The following PLEKHA2 variants were observed in gnomAD, a reference collection of about 807,000 sequenced individuals.
The protein encoded by PLEKHA2 is pleckstrin homology domain containing A2.
Under a neutral mutation model 53.2 loss-of-function variants are expected in PLEKHA2, and 28 were observed. The observed-to-expected ratio is 0.53, with a 90% CI of 0.39 to 0.72. The LOEUF (loss-of-function observed/expected upper bound fraction) is 0.72, where lower values mean the gene tolerates loss of function less well. Ranked by LOEUF, PLEKHA2 falls within the 30% of genes least tolerant of loss-of-function variation. PLEKHA2 has a pLI of 0.00. For synonymous variants in PLEKHA2, 193 were observed against 196.4 expected (o/e 0.98, Z 0.14); for missense variants, 426 against 537.9 (o/e 0.79, Z 2.06).
At chr8:38,903,355 C>T (rs1305803831) in intron 1 of PLEKHA2, among the ~76,000 whole-genome samples, 1 of 152,206 alleles carries the variant, frequency 6.6e-6, no homozygotes. Flanking sequence ...ACTGCCTGCC[C>T]TTTGGTGAAG....
intron 10 of PLEKHA2, among the ~76,000 whole-genome samples, chr8:38,968,323 G>A (rs1363343740): frequency 6.6e-6 from 1 of 152,142 alleles, no homozygotes; most frequent in Non-Finnish European, 1.5e-5. Flanking sequence ...CTTCAGCAGC[G>A]GATAGGGTCT....
intron 10 of PLEKHA2, among the ~76,000 whole-genome samples, chr8:38,968,161 T>C (rs1055899931): frequency 6.6e-6 from 1 of 152,134 alleles, no homozygotes; most frequent in Non-Finnish European, 1.5e-5. Context: ...GTTCAGATAG[T>C]TACAGTGGAA....
At chr8:38,913,546 T>C (rs1031707979) in intron 1 of PLEKHA2, among the ~76,000 whole-genome samples, 2 of 152,156 alleles carry the variant, frequency 1.3e-5, no homozygotes, top group African/African-American at 4.8e-5. Flanking sequence ...GTAGCGATAG[T>C]CCTTGCAGCC....
At chr8:38,916,619 G>GA (rs1289269383) in intron 1 of PLEKHA2, among the ~76,000 whole-genome samples, 1 of 152,104 alleles carries the variant, frequency 6.6e-6, no homozygotes, top group African/African-American at 2.4e-5. Flanking sequence ...TTTTATGGCT[G>GA]AATAGTACTC....
rs1306311480 is a variant in PLEKHA2 at position 38,969,752 on chromosome 8, A to G, written c.1247A>G (p.Asp416Gly). 1.5e-6 allele frequency: 2 copies of G among 1,296,898 alleles called. No homozygotes were observed. Among genetic ancestry groups the G allele is most frequent in the African/African-American group, 3.1e-5 (2 of 64,034 alleles). 80.3% of individuals were successfully genotyped at this position (1,296,898 alleles called of 1,614,324 possible). A position where few individuals can be genotyped will look rare whatever the true frequency, so the allele number is the denominator to read the frequency against. The change falls in exon 12 of 12, where the codon GAT (aspartate) becomes GGT (glycine). Residue 416 changes from aspartate (D) to glycine (G), a missense_variant. Physicochemically the swap from Asp to Gly is moderately conservative, Grantham distance 94. Transcript: ENST00000617275. Reference sequence around the variant, plus strand: ...GAGAAGCCGTTTATGTTCAACCTTGATGATGAAAACATACGGACCTCTGAT... The same window carrying G: ...GAGAAGCCGTTTATGTTCAACCTTGGTGATGAAAACATACGGACCTCTGAT... ...PKEKPFMFNLDDENIRTSDV is the reference protein window; with the variant it reads ...PKEKPFMFNLGDENIRTSDV
chr8:38,921,880 T>A (rs1834200786), intron 2 of PLEKHA2, among the ~76,000 whole-genome samples: 1 of 152,252 alleles, frequency 6.6e-6, no homozygotes, highest in South Asian at 2.1e-4. Flanking sequence ...TTCTTTGTTG[T>A]GTGAACAGCC....
Position 38,917,900 on chromosome 8 carries a change from CGCGCAGGGTGATGTGAGCAGA to C in PLEKHA2, c.-23-4_-7del. ...CCTTCTCATCAGCACCTCCCTCCTGCGCGCAGGGTGATGTGAGCAGAGCCCAGGAATGCCTTATGTGGATCG... is the reference window on the plus strand; with the variant it reads ...CCTTCTCATCAGCACCTCCCTCCTGCGCCCAGGAATGCCTTATGTGGATCG... On this transcript the variant is annotated splice_acceptor_variant and splice_polypyrimidine_tract_variant and 5_prime_UTR_variant and intron_variant, in exon 2 of 12. Coordinates refer to ENST00000617275, the MANE Select transcript of PLEKHA2 (RefSeq NM_021623.2). LOFTEE classifies it low-confidence loss of function (5UTR_SPLICE). 6.2e-7 allele frequency: 1 copy of C among 1,609,900 alleles called. No individual in the cohort carries two copies. Among genetic ancestry groups the C allele is most frequent in the Non-Finnish European group, 8.5e-7 (1 of 1,177,058 alleles).
intron 10 of PLEKHA2, among the ~76,000 whole-genome samples, chr8:38,966,896 G>C (rs1004333770): frequency 3.9e-5 from 6 of 151,980 alleles, no homozygotes; most frequent in Non-Finnish European, 8.8e-5. Flanking sequence ...CATCACCTGA[G>C]TATTGTGCAT....
intron 2 of PLEKHA2, among the ~76,000 whole-genome samples, chr8:38,925,785 A>C (rs1022484766): frequency 6.6e-6 from 1 of 152,252 alleles, no homozygotes. Context: ...ATAATGTATA[A>C]TGGACAATAC....
chr8:38,969,115 G>T, intron 11 of PLEKHA2: 1 of 375,320 alleles, frequency 2.7e-6, no homozygotes, highest in Non-Finnish European at 4.9e-6. Flanking sequence ...TGGCTAGGCT[G>T]ATCTCAAACT....
chr8:38,907,698 C>G (rs1833897707), intron 1 of PLEKHA2, among the ~76,000 whole-genome samples: 1 of 150,422 alleles, frequency 6.6e-6, no homozygotes, highest in Non-Finnish European at 1.5e-5. Context: ...GAGGTGGAGG[C>G]TGCATTGAGC....
rs74885024 is a variant in PLEKHA2, at chr8:38,966,795, CT to C, written c.838-1787del. ...TATTCACAATAGCAAAGTCACAACT[CT>C]TTTTTTTTTGTATAAATTTAAGGGG... is the stretch of plus-strand genomic sequence containing the variant. On this transcript the variant is annotated intron_variant, in intron 10 of 11. Transcript: ENST00000617275. 5.4e-3 allele frequency among the ~76,000 whole-genome samples: 809 copies of C among 148,538 alleles called. 11 individuals are homozygous for C. Among genetic ancestry groups the C allele is most frequent in the African/African-American group, 0.017 (671 of 40,562 alleles).
chr8:38,902,189 T>G (rs1450243811), intron 1 of PLEKHA2: 1 of 131,214 alleles, frequency 7.6e-6, no homozygotes, highest in East Asian at 2.4e-4. Context: ...TTCACCAAAA[T>G]TTTTTTAAAA....
intron 10 of PLEKHA2, among the ~76,000 whole-genome samples, chr8:38,963,758 C>A (rs931042069): frequency 2.0e-5 from 3 of 152,152 alleles, no homozygotes; most frequent in Admixed American, 6.5e-5. Context: ...GAATTCATTG[C>A]AATATCTGAT....
At chr8:38,948,905 C>G (rs756354375) in intron 5 of PLEKHA2, among the ~76,000 whole-genome samples, 3 of 152,162 alleles carry the variant, frequency 2.0e-5, no homozygotes, top group Non-Finnish European at 4.4e-5. Flanking sequence ...GAGTCTCGCT[C>G]TATAGCCCAG....
chr8:38,962,016 A>G (rs1014150887), intron 10 of PLEKHA2, among the ~76,000 whole-genome samples: 2 of 152,258 alleles, frequency 1.3e-5, no homozygotes, highest in African/African-American at 4.8e-5. Flanking sequence ...TATAAGTAGT[A>G]TAAGTTTATC....
chr8:38,913,535 A>T (rs1397201438), intron 1 of PLEKHA2, among the ~76,000 whole-genome samples: 1 of 152,126 alleles, frequency 6.6e-6, no homozygotes, highest in Non-Finnish European at 1.5e-5. Context: ...GTGCCTCAAG[A>T]GTAGCGATAG....
intron 2 of PLEKHA2, among the ~76,000 whole-genome samples, chr8:38,935,464 T>C (rs899358639): frequency 1.3e-5 from 2 of 151,782 alleles, no homozygotes; most frequent in Non-Finnish European, 2.9e-5. Context: ...AGGGTCTTGC[T>C]GTGTTGTGCA....
chr8:38,969,649 C>A lies in PLEKHA2; in HGVS notation c.1144C>A (p.Arg382Ser). Residue 382 changes from arginine (R) to serine (S), a missense_variant, in exon 12 of 12, where the codon CGT (arginine) becomes AGT (serine). By Grantham distance (110) the Arg-to-Ser change is moderately radical. Transcript: ENST00000617275. Reference protein sequence around the residue: ...DTSEDSLFTPRPGEGSAPGVL... With the variant: ...DTSEDSLFTPSPGEGSAPGVL... ...TTCAGAGGACTCCTTGTTCACGCCTCGTCCTGGGGAGGGCAGCGCTCCTGG... is the reference window on the plus strand; with the variant it reads ...TTCAGAGGACTCCTTGTTCACGCCTAGTCCTGGGGAGGGCAGCGCTCCTGG... 1 of 1,597,756 alleles carries A rather than the reference C, an allele frequency of 6.3e-7. No homozygotes were observed.
Sources: gnomAD v4.1 joint callset for allele counts (sites outside exome capture counted in the v4.1 genomes callset) on GRCh38, gnomAD v4.1.1 for gene constraint, MANE v1.5 for transcripts, NCBI Gene and HGNC (gene_info 2026-07-23, HGNC 2026-07-21) for gene names.